The following GADL1 variants were observed in gnomAD, a reference collection of about 807,000 sequenced individuals.
GADL1 encodes acidic amino acid decarboxylase GADL1.
In GADL1, 71 loss-of-function variants were observed where a neutral mutation model predicts 69.5. The ratio of observed to expected loss-of-function variants is 1.02; its 90% CI spans 0.84 to 1.25. The LOEUF is 1.25. GADL1 is among the 50% of genes most tolerant of loss of function. GADL1 has a pLI of 0.00. For missense variants in GADL1, 737 were observed against 631.8 expected (o/e 1.17, Z -1.79); for synonymous variants, 254 against 214.4 (o/e 1.18, Z -1.62).
At chr3:30,801,176 T>C in intron 11 of GADL1, 88 bp from the exon 12 acceptor site, 2 of 933,284 alleles carry the variant, frequency 2.1e-6, no homozygotes, top group East Asian at 5.1e-5. Context: ...ACAATGTGTA[T>C]ATTCTACCTG....
intron 9 of GADL1, among the ~76,000 whole-genome samples, chr3:30,834,594 T>G (rs142265830): frequency 1.3e-5 from 2 of 152,174 alleles, no homozygotes; most frequent in African/African-American, 4.8e-5. Flanking sequence ...GCTTAGACTC[T>G]AACATAGACA....
chr3:30,794,494 G>C (rs1028957322), intron 12 of GADL1, among the ~76,000 whole-genome samples: 2 of 152,174 alleles, frequency 1.3e-5, no homozygotes, highest in African/African-American at 4.8e-5. Flanking sequence ...TGCCATAGTG[G>C]TAGTTTTAAA....
chr3:30,741,190 A>ATATGTGTGTGTGTGTGTGTGTGTGTG (rs747105488), intron 14 of GADL1, among the ~76,000 whole-genome samples: 3 of 132,628 alleles, frequency 2.3e-5, no homozygotes, highest in African/African-American at 5.7e-5. Context: ...TTATATAATT[A>ATATGTGTGTGTGTGTGTGTGTGTGTG]TGTGTGTGTG....
At position 30,762,535 on chromosome 3, in the gene GADL1, G is replaced by A. The variant is rs141980930; in HGVS notation, c.1392+15644C>T. Among the ~76,000 whole-genome samples the A allele has an allele frequency of 3.9e-3, 587 of 152,238 alleles. 3 individuals carry two copies. The highest frequency in any genetic ancestry group is 0.014 in the African/African-American group (563 of 41,544). ...ATATAATTCTGGGGGTACATAAGAT[G>A]TTTTGATACAGGCATGCACTGAAAT... On this transcript the variant is annotated intron_variant, in intron 14 of 14. Coordinates refer to ENST00000282538, the MANE Select transcript of GADL1 (RefSeq NM_207359.3).
Position 30,734,311 on chromosome 3 carries a change from T to C in GADL1, c.1393-5896A>G, listed in dbSNP as rs185415121. The stretch of plus-strand genomic sequence containing the variant: ...GGTGATGAAAGAGCTCAACAATATG[T>C]CTCATACAAATACTTCTTAAAACCT... On this transcript the variant is annotated intron_variant, in intron 14 of 14. Coordinates refer to ENST00000282538, the MANE Select transcript of GADL1 (RefSeq NM_207359.3). Among the ~76,000 whole-genome samples the C allele has an allele frequency of 9.2e-5, 14 of 152,310 alleles. No homozygotes were observed. The East Asian group carries it at 2.3e-3, about 25-fold the overall frequency.
At chr3:30,763,502 GGCGGC>G (rs563433000) in intron 14 of GADL1, among the ~76,000 whole-genome samples, 591 of 46,368 alleles carry the variant, frequency 0.013, 15 homozygotes, top group African/African-American at 0.05. Context: ...ACTCCGTCTC[GGCGGC>G]GGGGGGTGGG....
At chr3:30,735,504 T>C (rs1169291142) in intron 14 of GADL1, among the ~76,000 whole-genome samples, 1 of 152,198 alleles carries the variant, frequency 6.6e-6, no homozygotes, top group Non-Finnish European at 1.5e-5. Flanking sequence ...GAATCTCCAA[T>C]AGATTATGCT....
intron 14 of GADL1, among the ~76,000 whole-genome samples, chr3:30,745,419 G>T (rs543718215): frequency 6.6e-6 from 1 of 152,080 alleles, no homozygotes; most frequent in Non-Finnish European, 1.5e-5. Context: ...TATTGCGGGG[G>T]TACATTTGGA....
chr3:30,873,111 C>T (rs1439937008), intron 1 of GADL1, among the ~76,000 whole-genome samples: 4 of 151,900 alleles, frequency 2.6e-5, no homozygotes, highest in Non-Finnish European at 4.4e-5. Context: ...TAATGCAAGC[C>T]ACTGACACAA....
At chr3:30,856,686 C>T (rs1698235347) in intron 3 of GADL1, among the ~76,000 whole-genome samples, 1 of 152,004 alleles carries the variant, frequency 6.6e-6, no homozygotes, top group African/African-American at 2.4e-5. Context: ...AATCAAAATA[C>T]TATTTGCCAG....
intron 1 of GADL1, among the ~76,000 whole-genome samples, chr3:30,873,328 T>TG (rs1326156382): frequency 1.3e-5 from 2 of 151,976 alleles, no homozygotes; most frequent in African/African-American, 4.8e-5. Context: ...TGCCTTATGA[T>TG]GAAGATATCT....
At chr3:30,833,955 C>G in intron 10 of GADL1, 21 bp from the exon 11 acceptor site, 1 of 1,564,188 alleles carries the variant, frequency 6.4e-7, no homozygotes, top group Non-Finnish European at 8.8e-7. Context: ...AACAAAGGGA[C>G]AGAGTAGGGA....
chr3:30,824,851 G>T (rs1440235280), intron 11 of GADL1, among the ~76,000 whole-genome samples: 1 of 151,852 alleles, frequency 6.6e-6, no homozygotes, highest in African/African-American at 2.4e-5. Flanking sequence ...ATTTTAATCT[G>T]TGTGAGAATG....
intron 14 of GADL1, among the ~76,000 whole-genome samples, chr3:30,764,334 G>C (rs778409187): frequency 1.3e-5 from 2 of 151,596 alleles, no homozygotes; most frequent in Non-Finnish European, 2.9e-5. Flanking sequence ...TAGACTCTAA[G>C]AGAAACCATG....
intron 11 of GADL1, among the ~76,000 whole-genome samples, chr3:30,816,198 A>T (rs1168096873): frequency 2.6e-5 from 4 of 152,096 alleles, no homozygotes; most frequent in Non-Finnish European, 5.9e-5. Context: ...ATGCTTGGCT[A>T]GAGAGGAGAC....
intron 14 of GADL1, among the ~76,000 whole-genome samples, chr3:30,759,386 CAT>C (rs1408604479): frequency 6.6e-6 from 1 of 152,212 alleles, no homozygotes; most frequent in Non-Finnish European, 1.5e-5. Flanking sequence ...TGTTCCTGCT[CAT>C]AATTCTTGTT....
At chr3:30,747,557 T>G (rs1214680943) in intron 14 of GADL1, among the ~76,000 whole-genome samples, 1 of 152,236 alleles carries the variant, frequency 6.6e-6, no homozygotes, top group African/African-American at 2.4e-5. Flanking sequence ...AAATCCAATT[T>G]CTTTGGAAAA....
intron 14 of GADL1, among the ~76,000 whole-genome samples, chr3:30,767,981 T>C (rs1432085436): frequency 1.6e-5 from 2 of 125,848 alleles, no homozygotes; most frequent in Admixed American, 7.2e-5. Context: ...AATTAATAAA[T>C]ATGTGCAAAA....
intron 11 of GADL1, among the ~76,000 whole-genome samples, chr3:30,811,673 T>C (rs914286298): frequency 6.1e-4 from 93 of 152,216 alleles, no homozygotes; most frequent in African/African-American, 2.2e-3. Context: ...TTTTTCTATT[T>C]CAGTCTATTC....
Sources: allele counts gnomAD v4.1 joint callset (sites outside exome capture counted in the v4.1 genomes callset), GRCh38; gene constraint gnomAD v4.1.1; transcripts MANE v1.5; gene names NCBI Gene and HGNC (gene_info 2026-07-23, HGNC 2026-07-21).